PCDHA5: variants seen among roughly 807,000 people sequenced by gnomAD.
PCDHA5 encodes protocadherin alpha-5.
In PCDHA5, 43 loss-of-function variants were observed where a neutral mutation model predicts 61.6. The ratio of observed to expected loss-of-function variants is 0.70; its 90% confidence interval spans 0.55 to 0.90. PCDHA5 has a LOEUF of 0.90. Ranked by LOEUF, PCDHA5 falls within the 40% of genes least tolerant of loss-of-function variation. The pLI is 0.00. For synonymous variants in PCDHA5, 627 were observed against 543.9 expected, an observed-to-expected ratio of 1.15 and a Z score of -2.13; for missense variants, 1,298 against 1,222.7, an observed-to-expected ratio of 1.06 and a Z score of -0.92.
chr5:140,882,331 C>T, intron 1 of PCDHA5: 3 of 1,614,214 alleles, frequency 1.9e-6, no homozygotes, highest in South Asian at 2.2e-5. Flanking sequence ...TTCTGATCCT[C>T]GCAGCCTGGG....
At chr5:140,855,112 C>T (rs2043341257) in intron 1 of PCDHA5, among the ~76,000 whole-genome samples, 1 of 149,738 alleles carries the variant, frequency 6.7e-6, no homozygotes, top group South Asian at 2.1e-4. Flanking sequence ...ATAATTAAGG[C>T]ATTCTATAGG....
At chr5:140,949,657 T>G (rs908826690) in intron 1 of PCDHA5, among the ~76,000 whole-genome samples, 2 of 151,876 alleles carry the variant, frequency 1.3e-5, no homozygotes, top group Non-Finnish European at 3.0e-5. Flanking sequence ...TTTACTTTTG[T>G]TTCTTTAAAG....
At chr5:140,903,675 A>G (rs1554191078) in intron 1 of PCDHA5, among the ~76,000 whole-genome samples, 2 of 152,244 alleles carry the variant, frequency 1.3e-5, no homozygotes, top group Non-Finnish European at 2.9e-5. Flanking sequence ...GATATAAAAG[A>G]TGTTTGGTAA....
At chr5:140,841,121 A>G in intron 1 of PCDHA5, 1 of 638,688 alleles carries the variant, frequency 1.6e-6, no homozygotes, top group Non-Finnish European at 2.6e-6. Flanking sequence ...TCATGTAATC[A>G]TTACCTTTTG....
chr5:140,842,916 A>G, intron 1 of PCDHA5: 1 of 1,594,694 alleles, frequency 6.3e-7, no homozygotes, highest in South Asian at 1.1e-5. Context: ...GAGCTGCTGC[A>G]GTTCCAGGTG....
intron 1 of PCDHA5, among the ~76,000 whole-genome samples, chr5:140,912,626 G>A (rs189482006): frequency 6.6e-6 from 1 of 152,190 alleles, no homozygotes; most frequent in East Asian, 1.9e-4. Context: ...CTCTGGATGA[G>A]ACTTTCAGTA....
chr5:140,915,606 C>A (rs2077190807), intron 1 of PCDHA5, among the ~76,000 whole-genome samples: 1 of 150,452 alleles, frequency 6.6e-6, no homozygotes, highest in African/African-American at 2.5e-5. Context: ...CCCTTACTTT[C>A]TGTCAAACAG....
chr5:140,855,822 A>G (rs1409014183), intron 1 of PCDHA5: 5 of 538,132 alleles, frequency 9.3e-6, no homozygotes, highest in South Asian at 3.1e-5. Flanking sequence ...TTGTGAACTC[A>G]TGGAATCGTA....
chr5:140,821,877 C>T lies in PCDHA5; in HGVS notation c.102C>T (p.Ile34=), dbSNP rs2150111547. 18 of 1,614,240 alleles carry T rather than the reference C, an allele frequency of 1.1e-5. No homozygotes were observed. Among genetic ancestry groups the T allele is most frequent in the Non-Finnish European group, 1.4e-5 (16 of 1,180,050 alleles). Residue 34 remains isoleucine (I), a synonymous_variant, in exon 1 of 4, where the codon ATC becomes ATT. Transcript: ENST00000529859. ...GGAGCGGCCAGCTCCACTACTCGATCCCGGAGGAAGCCAAACACGGAACCT... is the reference window on the plus strand; with the variant it reads ...GGAGCGGCCAGCTCCACTACTCGATTCCGGAGGAAGCCAAACACGGAACCT... ...KAGSGQLHYS[I]PEEAKHGTFV...
chr5:140,939,798 C>A (rs2092461303), intron 1 of PCDHA5, among the ~76,000 whole-genome samples: 1 of 152,138 alleles, frequency 6.6e-6, no homozygotes, highest in African/African-American at 2.4e-5. Flanking sequence ...TATAAATGTT[C>A]TGCATGTTCA....
chr5:140,841,461 G>A, intron 1 of PCDHA5: 2 of 1,612,908 alleles, frequency 1.2e-6, no homozygotes, highest in Non-Finnish European at 1.7e-6. Flanking sequence ...TTCGTGGGCC[G>A]GATCGCGCAG....
chr5:140,880,739 A>G (rs1349403476), intron 1 of PCDHA5, among the ~76,000 whole-genome samples: 1 of 152,204 alleles, frequency 6.6e-6, no homozygotes, highest in South Asian at 2.1e-4. Context: ...GAGAAAATGG[A>G]TTGTCAGTGT....
chr5:140,978,791 A>T (rs1443899144), intron 1 of PCDHA5, 158 bp from the exon 2 acceptor site: 1 of 976,042 alleles, frequency 1.0e-6, no homozygotes, highest in South Asian at 4.7e-5. Flanking sequence ...AAAGTGCTAT[A>T]TATGTAGATA....
chr5:140,840,610 C>T (rs1488564002), intron 1 of PCDHA5, among the ~76,000 whole-genome samples: 1 of 151,912 alleles, frequency 6.6e-6, no homozygotes, highest in Admixed American at 6.6e-5. Context: ...AAGTGAGAGG[C>T]TGAATTTAAC....
At chr5:140,920,474 GT>G (rs1407391996) in intron 1 of PCDHA5, among the ~76,000 whole-genome samples, 1 of 152,008 alleles carries the variant, frequency 6.6e-6, no homozygotes, top group Non-Finnish European at 1.5e-5. Flanking sequence ...ATTTCTGTAT[GT>G]TTTTGGTCCA....
intron 1 of PCDHA5, among the ~76,000 whole-genome samples, chr5:140,879,347 T>A (rs530902728): frequency 3.3e-5 from 5 of 152,206 alleles, no homozygotes; most frequent in Admixed American, 2.0e-4. Context: ...GCTGAGAAGA[T>A]GACATTGCCA....
chr5:140,973,815 A>C (rs2096603789), intron 1 of PCDHA5, among the ~76,000 whole-genome samples: 1 of 152,224 alleles, frequency 6.6e-6, no homozygotes, highest in African/African-American at 2.4e-5. Flanking sequence ...CAGAATAGCA[A>C]AGTCAGTTCT....
In PCDHA5 at chr5:140,823,072, TCG is replaced by T. The variant is rs2150121964; in HGVS notation, c.1299_1300del (p.Leu434ValfsTer165). 9.3e-6 allele frequency: 15 copies of T among 1,613,862 alleles called. No homozygotes were observed. The highest frequency in any genetic ancestry group is 1.3e-5 in the Non-Finnish European group (15 of 1,179,982). On this transcript the variant is annotated frameshift_variant, in exon 1 of 4. Transcript: ENST00000529859. LOFTEE classifies it high-confidence loss of function. ...VVTARDGGSP[S>X]LWATASVSVE... ...GACCGCGCGGGACGGGGGCTCGCCT[TCG>T]CTGTGGGCCACCGCCAGCGTGTCTG...
chr5:140,882,152 GA>G, intron 1 of PCDHA5: 1 of 1,505,314 alleles, frequency 6.6e-7, no homozygotes, highest in East Asian at 2.3e-5. Flanking sequence ...GCAGAAAGCG[GA>G]ATACCTCTTG....
Sources: gnomAD v4.1 joint callset for allele counts (sites outside exome capture counted in the v4.1 genomes callset) on GRCh38, gnomAD v4.1.1 for gene constraint, MANE v1.5 for transcripts, NCBI Gene and HGNC (gene_info 2026-07-23, HGNC 2026-07-21) for gene names.